OSBPL9: variants seen among roughly 807,000 people sequenced by gnomAD.
The protein encoded by OSBPL9 is oxysterol-binding protein-related protein 9.
A neutral mutation model predicts 106.6 loss-of-function variants in OSBPL9; 40 were observed. That is an observed-to-expected ratio of 0.38 (90% CI 0.29 to 0.49). OSBPL9 has a LOEUF of 0.49. OSBPL9 is among the 20% of genes least tolerant of loss of function. The probability of loss-of-function intolerance (pLI) is 0.97; values close to 1 mark genes in which losing one functional copy is unlikely to be tolerated. For missense variants in OSBPL9, 609 were observed against 887.2 expected (o/e 0.69, Z 3.98); for synonymous variants, 269 against 295.4 (o/e 0.91, Z 0.92).
intron 2 of OSBPL9, among the ~76,000 whole-genome samples, chr1:51,598,624 G>A (rs565378364): frequency 6.6e-6 from 1 of 152,126 alleles, no homozygotes; most frequent in South Asian, 2.1e-4. Context: ...GTGTGTGCCC[G>A]CGCACACACA....
intron 21 of OSBPL9, 79 bp from the exon 22 acceptor site, chr1:51,786,447 G>A: frequency 2.2e-6 from 2 of 918,654 alleles, no homozygotes; most frequent in East Asian, 2.6e-5. Context: ...AATTTGAAGT[G>A]TCAAAAGCAC....
intron 8 of OSBPL9, among the ~76,000 whole-genome samples, chr1:51,753,995 T>A (rs1669811234): frequency 6.6e-6 from 1 of 152,234 alleles, no homozygotes; most frequent in African/African-American, 2.4e-5. Flanking sequence ...TCAAGTGGGC[T>A]TTGTTATCTC....
the OSBPL9 span, among the ~76,000 whole-genome samples, chr1:51,530,193 CAAAAAA>C: frequency 3.6e-5 from 2 of 55,636 alleles, no homozygotes; most frequent in African/African-American, 8.5e-5. Flanking sequence ...AAAAAAAAAA[CAAAAAA>C]AAAAAACCTC....
At chr1:51,668,738 A>AC (rs992703905) in intron 2 of OSBPL9, among the ~76,000 whole-genome samples, 1 of 151,946 alleles carries the variant, frequency 6.6e-6, no homozygotes, top group African/African-American at 2.4e-5. Context: ...GTGCCTGCCC[A>AC]CCCCCCAGTT....
intron 1 of OSBPL9, among the ~76,000 whole-genome samples, chr1:51,636,668 G>A (rs1645470425): frequency 6.6e-6 from 1 of 152,032 alleles, no homozygotes; most frequent in South Asian, 2.1e-4. Context: ...AAATTGTGAA[G>A]GCTGGGCACA....
chr1:51,532,974 T>TATTAAATGGTAATTGGTA, the OSBPL9 span, among the ~76,000 whole-genome samples: 1 of 152,162 alleles, frequency 6.6e-6, no homozygotes, highest in Non-Finnish European at 1.5e-5. Context: ...AATTGGTAAT[T>TATTAAATGGTAATTGGTA]ATTAAATGGT....
At chr1:51,647,224 A>G (rs1224843609) in intron 1 of OSBPL9, among the ~76,000 whole-genome samples, 1 of 152,164 alleles carries the variant, frequency 6.6e-6, no homozygotes. Flanking sequence ...GGTATATTAT[A>G]TTGATTGTTT....
chr1:51,530,193 C>CAAAAAAAAAAA, the OSBPL9 span, among the ~76,000 whole-genome samples: 3 of 55,636 alleles, frequency 5.4e-5, no homozygotes, highest in African/African-American at 8.5e-5. Context: ...AAAAAAAAAA[C>CAAAAAAAAAAA]AAAAAAAAAA....
chr1:51,660,678 A>T (rs1195776758), intron 2 of OSBPL9, among the ~76,000 whole-genome samples: 1 of 152,232 alleles, frequency 6.6e-6, no homozygotes, highest in South Asian at 2.1e-4. Flanking sequence ...TGAATGAATG[A>T]TGCTAAAGTA....
intron 1 of OSBPL9, among the ~76,000 whole-genome samples, chr1:51,618,671 T>C (rs1422101354): frequency 6.6e-6 from 1 of 152,262 alleles, no homozygotes; most frequent in African/African-American, 2.4e-5. Context: ...GTTCCTCTTC[T>C]CTGGAGCTTA....
rs986764937 is a variant in OSBPL9, at chr1:51,693,982, T to G, written c.242-20021T>G. On this transcript the variant is annotated intron_variant, in intron 3 of 23. Transcript: ENST00000428468. ...ACAGCCATGAATAAGGCTGTCAAGCTTCTGCTTTCTAGGAGCTTACATTCT... is the reference window on the plus strand; with the variant it reads ...ACAGCCATGAATAAGGCTGTCAAGCGTCTGCTTTCTAGGAGCTTACATTCT... Among the ~76,000 whole-genome samples the G allele has an allele frequency of 4.6e-5, 7 of 152,330 alleles. No homozygotes were observed. In the East Asian group the frequency reaches 1.4e-3, roughly 29 times the overall value.
intron 1 of OSBPL9, among the ~76,000 whole-genome samples, chr1:51,643,128 CAA>C (rs1240062261): frequency 1.3e-5 from 2 of 152,070 alleles, no homozygotes; most frequent in East Asian, 3.9e-4. Context: ...GCTTTTACGA[CAA>C]AGTCACTCCA....
chr1:51,668,060 C>A (rs569521941), intron 2 of OSBPL9, among the ~76,000 whole-genome samples: 1 of 151,988 alleles, frequency 6.6e-6, no homozygotes, highest in African/African-American at 2.4e-5. Context: ...GAGTAGTCCC[C>A]CTATGTAGCC....
At chr1:51,772,581 C>A in intron 13 of OSBPL9, 24 bp from the exon 14 acceptor site, 1 of 1,562,050 alleles carries the variant, frequency 6.4e-7, no homozygotes, top group Admixed American at 1.7e-5. Flanking sequence ...TAGCACCATT[C>A]TAATAAGATC....
At chr1:51,548,148 G>A in the OSBPL9 span, among the ~76,000 whole-genome samples, 24 of 152,296 alleles carry the variant, frequency 1.6e-4, no homozygotes, top group Middle Eastern at 3.4e-3. Flanking sequence ...GTGTTCAAAA[G>A]ATGTGTCCTG....
At chr1:51,744,221 G>A (rs1050754032) in intron 4 of OSBPL9, among the ~76,000 whole-genome samples, 2 of 152,118 alleles carry the variant, frequency 1.3e-5, no homozygotes, top group African/African-American at 4.8e-5. Flanking sequence ...AGCAACAAAA[G>A]TACTATAATA....
At chr1:51,650,846 AC>A (rs1485286232) in intron 1 of OSBPL9, among the ~76,000 whole-genome samples, 1 of 152,256 alleles carries the variant, frequency 6.6e-6, no homozygotes, top group Non-Finnish European at 1.5e-5. Flanking sequence ...AGGAATATTT[AC>A]TGAATGTAAA....
At chr1:51,696,136 A>C (rs1458885120) in intron 3 of OSBPL9, among the ~76,000 whole-genome samples, 1 of 152,184 alleles carries the variant, frequency 6.6e-6, no homozygotes. Context: ...TGAGCATTGG[A>C]ATATTTGAAT....
chr1:51,668,266 G>C (rs1648985554), intron 2 of OSBPL9, among the ~76,000 whole-genome samples: 1 of 152,062 alleles, frequency 6.6e-6, no homozygotes, highest in African/African-American at 2.4e-5. Flanking sequence ...TCCCTATTTT[G>C]CTTAGTTTCC....
Sources: allele counts gnomAD v4.1 joint callset (sites outside exome capture counted in the v4.1 genomes callset), GRCh38; gene constraint gnomAD v4.1.1; transcripts MANE v1.5; gene names NCBI Gene and HGNC (gene_info 2026-07-23, HGNC 2026-07-21).